The following XIRP2 variants were observed in gnomAD, a reference collection of about 807,000 sequenced individuals.
The protein encoded by XIRP2 is xin actin-binding repeat-containing protein 2.
In XIRP2, 236 loss-of-function variants were observed where a neutral mutation model predicts 277.0. The observed-to-expected ratio is 0.85, with a 90% confidence interval of 0.77 to 0.95. The LOEUF (loss-of-function observed/expected upper bound fraction) is 0.95. Among genes scored for constraint, XIRP2 ranks in the 40% least tolerant of loss-of-function variants. The pLI is 0.00. For missense variants in XIRP2, 4,640 were observed against 4,157.5 expected, an observed-to-expected ratio of 1.12 and a Z score of -3.19; for synonymous variants, 1,490 against 1,416.5, an observed-to-expected ratio of 1.05 and a Z score of -1.17.
chr2:167,181,055 G>A (rs1429931), intron 3 of XIRP2, among the ~76,000 whole-genome samples: 15,001 of 152,134 alleles, frequency 0.099, 794 homozygotes, highest in South Asian at 0.15. Context: ...ATATTACAGA[G>A]TTCCACCATC....
At chr2:167,104,018 C>A (rs912705434) in intron 2 of XIRP2, among the ~76,000 whole-genome samples, 2 of 152,052 alleles carry the variant, frequency 1.3e-5, no homozygotes, top group Non-Finnish European at 2.9e-5. Context: ...GCTAAGGCTT[C>A]TTTAGAATTT....
chr2:166,925,589 G>GTATGTATATATA (rs1685160717), intron 2 of XIRP2, among the ~76,000 whole-genome samples: 1 of 106,008 alleles, frequency 9.4e-6, no homozygotes, highest in African/African-American at 4.5e-5. Context: ...GTGTGTATGT[G>GTATGTATATATA]TATATACATA....
intron 2 of XIRP2, among the ~76,000 whole-genome samples, chr2:167,013,771 T>G (rs189016664): frequency 1.3e-5 from 2 of 151,742 alleles, no homozygotes; most frequent in East Asian, 3.9e-4. Flanking sequence ...GATATAAGGA[T>G]ATCTTAAATA....
chr2:167,259,178 A>G lies in XIRP2; in HGVS notation c.*1361A>G. 1 of 1,613,384 alleles carries G rather than the reference A, an allele frequency of 6.2e-7. No individual in the cohort carries two copies. The highest frequency in any genetic ancestry group is 8.5e-7 in the Non-Finnish European group (1 of 1,179,646). ...ATGCTTGGATTTAAGGGAATTTGGAAAGGATGTTAAACCTTGGCATGTTGA... is the reference window on the plus strand; with the variant it reads ...ATGCTTGGATTTAAGGGAATTTGGAGAGGATGTTAAACCTTGGCATGTTGA... On this transcript the variant is annotated 3_prime_UTR_variant, in exon 11 of 11. Transcript: ENST00000409195.
intron 3 of XIRP2, among the ~76,000 whole-genome samples, chr2:167,197,932 A>ATAAC (rs566204873): frequency 1.3e-3 from 199 of 152,330 alleles, no homozygotes; most frequent in African/African-American, 4.4e-3. Flanking sequence ...TTCAATTTGA[A>ATAAC]TAACATTTAA....
At chr2:166,952,064 T>C (rs901830784) in intron 2 of XIRP2, among the ~76,000 whole-genome samples, 4 of 152,036 alleles carry the variant, frequency 2.6e-5, no homozygotes, top group African/African-American at 9.7e-5. Context: ...AGTGTGTGAA[T>C]TAAATGAGTC....
intron 3 of XIRP2, among the ~76,000 whole-genome samples, chr2:167,191,185 C>CAAAAAAAAAA (rs931552422): frequency 2.1e-5 from 1 of 46,854 alleles, no homozygotes. Flanking sequence ...GACCCTGTCT[C>CAAAAAAAAAA]AAAAAAAAAA....
intron 2 of XIRP2, among the ~76,000 whole-genome samples, chr2:167,125,163 A>C (rs1351099117): frequency 6.6e-6 from 1 of 152,034 alleles, no homozygotes; most frequent in African/African-American, 2.4e-5. Context: ...CTATCTAGTT[A>C]TTGTATTTGT....
chr2:166,916,890 A>G (rs771079617), intron 2 of XIRP2, among the ~76,000 whole-genome samples: 2 of 152,100 alleles, frequency 1.3e-5, no homozygotes, highest in Non-Finnish European at 2.9e-5. Context: ...TTAATACACC[A>G]CCTAATTTTT....
intron 2 of XIRP2, among the ~76,000 whole-genome samples, chr2:167,058,093 T>A (rs1689085173): frequency 1.3e-5 from 2 of 151,090 alleles, no homozygotes; most frequent in South Asian, 4.2e-4. Context: ...GACAGAGTCT[T>A]GCTCTGTTGC....
intron 2 of XIRP2, among the ~76,000 whole-genome samples, chr2:166,912,379 C>G (rs1397302561): frequency 6.6e-6 from 1 of 152,194 alleles, no homozygotes; most frequent in East Asian, 1.9e-4. Context: ...CACTGATACC[C>G]TTTCTTCTAG....
At chr2:167,229,493 A>G (rs1238283230) in intron 5 of XIRP2, among the ~76,000 whole-genome samples, 1 of 152,170 alleles carries the variant, frequency 6.6e-6, no homozygotes, top group African/African-American at 2.4e-5. Context: ...TTATGCTTGT[A>G]GAACTTAGTG....
chr2:167,104,385 C>T (rs556522400), intron 2 of XIRP2, among the ~76,000 whole-genome samples: 7 of 152,196 alleles, frequency 4.6e-5, no homozygotes, highest in Non-Finnish European at 1.0e-4. Context: ...AATTTTATCC[C>T]ATCCCCCAAA....
intron 2 of XIRP2, among the ~76,000 whole-genome samples, chr2:166,963,218 T>C (rs2105410090): frequency 6.6e-6 from 1 of 151,914 alleles, no homozygotes; most frequent in African/African-American, 2.4e-5. Flanking sequence ...ATTTGTTGAG[T>C]AATTTATAAA....
At chr2:167,213,374 A>G (rs1300610610) in intron 4 of XIRP2, among the ~76,000 whole-genome samples, 1 of 152,200 alleles carries the variant, frequency 6.6e-6, no homozygotes, top group Admixed American at 6.5e-5. Flanking sequence ...GGCTGGAATT[A>G]GAAGCACTGT....
intron 2 of XIRP2, among the ~76,000 whole-genome samples, chr2:167,069,054 C>T (rs1344462789): frequency 1.3e-5 from 2 of 152,114 alleles, no homozygotes; most frequent in Admixed American, 6.5e-5. Context: ...TACCAATGTT[C>T]GTGGGTGCTC....
At position 167,033,047 on chromosome 2, in the gene XIRP2, A is replaced by AG. The variant is rs1688410106; in HGVS notation, c.409-102862_409-102861insG. 4.6e-5 allele frequency among the ~76,000 whole-genome samples: 7 copies of AG among 152,276 alleles called. No individual in the cohort carries two copies. The South Asian group carries it at 1.4e-3, about 32-fold the overall frequency. On this transcript the variant is annotated intron_variant, in intron 2 of 10. Coordinates refer to ENST00000409195, the MANE Select transcript of XIRP2 (RefSeq NM_152381.6). ...TAGCAAAGACCTGGAACCAACCCAA[A>AG]TGCCCATTAATGTTAGACTGGATAA...
At chr2:167,012,168 G>C (rs1039283738) in intron 2 of XIRP2, among the ~76,000 whole-genome samples, 1 of 151,702 alleles carries the variant, frequency 6.6e-6, no homozygotes, top group African/African-American at 2.4e-5. Context: ...GTCAATTTTG[G>C]ATCTTTCCTG....
At chr2:167,065,852 C>T (rs910588358) in intron 2 of XIRP2, among the ~76,000 whole-genome samples, 1 of 151,866 alleles carries the variant, frequency 6.6e-6, no homozygotes, top group Non-Finnish European at 1.5e-5. Flanking sequence ...TTAGGGCCAA[C>T]AGGTTTGATT....
Sources: gnomAD v4.1 joint callset for allele counts (sites outside exome capture counted in the v4.1 genomes callset) on GRCh38, gnomAD v4.1.1 for gene constraint, MANE v1.5 for transcripts, NCBI Gene and HGNC (gene_info 2026-07-23, HGNC 2026-07-21) for gene names.